The following NTRK1 variants were observed in gnomAD, a reference collection of about 807,000 sequenced individuals.
The protein encoded by NTRK1 is high affinity nerve growth factor receptor.
In NTRK1, 62 loss-of-function variants were observed where a neutral mutation model predicts 86.8. The ratio of observed to expected loss-of-function variants is 0.71; its 90% CI spans 0.58 to 0.88. The LOEUF is 0.88. NTRK1 is among the 40% of genes least tolerant of loss of function. The pLI, the probability that NTRK1 is intolerant of heterozygous loss-of-function variation, is 0.00. For synonymous variants in NTRK1, 469 were observed against 456.6 expected, an observed-to-expected ratio of 1.03 and a Z score of -0.35; for missense variants, 967 against 1,078.4, an observed-to-expected ratio of 0.90 and a Z score of 1.45.
At chr1:156,862,436 G>T (rs1006845836) in intron 1 of NTRK1, among the ~76,000 whole-genome samples, 6 of 152,118 alleles carry the variant, frequency 3.9e-5, no homozygotes, top group Non-Finnish European at 1.5e-5. Context: ...CCCCATCAGG[G>T]CTCGTGTTTC....
chr1:156,877,065 T>G (rs1232740023), intron 14 of NTRK1, among the ~76,000 whole-genome samples: 1 of 152,336 alleles, frequency 6.6e-6, no homozygotes, highest in Admixed American at 6.5e-5. Context: ...TTGCCTAGGC[T>G]GGAGTGCAAC....
At chr1:156,836,894 C>G (rs1012953893) in intron 1 of NTRK1, among the ~76,000 whole-genome samples, 3 of 152,174 alleles carry the variant, frequency 2.0e-5, no homozygotes, top group African/African-American at 7.2e-5. Flanking sequence ...AGCCAAGATC[C>G]TGGGCAGGAG....
intron 6 of NTRK1, among the ~76,000 whole-genome samples, chr1:156,870,744 T>A (rs1647503162): frequency 6.6e-6 from 1 of 152,220 alleles, no homozygotes; most frequent in Non-Finnish European, 1.5e-5. Flanking sequence ...TTTGTGAAAA[T>A]CACTTTCTAA....
chr1:156,877,969 A>G, intron 14 of NTRK1, among the ~76,000 whole-genome samples: 1 of 152,152 alleles, frequency 6.6e-6, no homozygotes, highest in South Asian at 2.1e-4. Flanking sequence ...GGAGGAGCCT[A>G]TCTCTTTGCT....
At chr1:156,841,218 G>C (rs963226936) in intron 1 of NTRK1, 1 of 1,005,506 alleles carries the variant, frequency 9.9e-7, no homozygotes, top group Non-Finnish European at 1.5e-6. Flanking sequence ...TTATGCCTGG[G>C]AGGGTGAGAA....
At chr1:156,846,767 C>A (rs558387343) in intron 2 of NTRK1, 2 of 1,608,108 alleles carry the variant, frequency 1.2e-6, no homozygotes, top group African/African-American at 2.7e-5. Flanking sequence ...GCTGAACACC[C>A]ATCCCCAGAG....
At position 156,847,706 on chromosome 1, in the gene NTRK1, G is replaced by A. The variant is rs189304892; in HGVS notation, c.50+5513G>A. ...GCTCATAGTGGGTGTCATGGGAGCA[G>A]GTGTCCTGTGAGGCATGACACACTG... On this transcript the variant is annotated intron_variant, in intron 2 of 16. Coordinates refer to the NTRK1 transcript ENST00000392302. Among the ~76,000 whole-genome samples, 36 of 152,202 alleles carry A rather than the reference G, an allele frequency of 2.4e-4. No individual in the cohort carries two copies. In the South Asian group the frequency reaches 7.1e-3, roughly 30 times the overall value.
At chr1:156,860,758 G>A, upstream of NTRK1, 1 of 1,215,384 alleles carries the variant, frequency 8.2e-7, no homozygotes, top group Non-Finnish European at 1.1e-6. Flanking sequence ...GCGTCAGAGA[G>A]TAGGAAGCGG....
chr1:156,849,486 CTG>C (rs764664960), intron 2 of NTRK1: 134 of 613,520 alleles, frequency 2.2e-4, no homozygotes, highest in Non-Finnish European at 3.4e-4. Context: ...GGACCTTGCT[CTG>C]CGGGGAGGTG....
At chr1:156,875,080 C>A (rs2102912858) in intron 11 of NTRK1, 72 bp downstream of exon 11, 2 of 1,130,844 alleles carry the variant, frequency 1.8e-6, no homozygotes, top group Non-Finnish European at 2.7e-6. Context: ...CTCTTCCTGA[C>A]TCTGTCTCTG....
chr1:156,844,079 C>A (rs976482883), intron 2 of NTRK1: 1 of 859,500 alleles, frequency 1.2e-6, no homozygotes, highest in Non-Finnish European at 1.9e-6. Context: ...TATGGAAGAC[C>A]TGTCTTTCTA....
Position 156,875,974 on chromosome 1 carries a change from C to T in NTRK1, c.1502-106C>T, listed in dbSNP as rs76886455. 9.9e-4 allele frequency: 1,548 copies of T among 1,557,814 alleles called. 7 individuals are homozygous for T. The African/African-American group carries it at 0.016, about 16-fold the overall frequency. On this transcript the variant is annotated intron_variant, in intron 12 of 16. Coordinates refer to ENST00000524377, the MANE Select transcript of NTRK1 (RefSeq NM_002529.4). ...GAATTTTAGCCCCCATGCAGTCCCT[C>T]GTCTGGGCAGCCTTGTGCAGCACAC...
At chr1:156,844,483 C>T (rs201243410) in intron 2 of NTRK1, 5 of 1,613,980 alleles carry the variant, frequency 3.1e-6, no homozygotes, top group Non-Finnish European at 4.2e-6. Context: ...ATGTAGAAGG[C>T]AACACTGTCT....
In NTRK1 at chr1:156,854,745, C is replaced by T. The variant is rs1655349187; in HGVS notation, c.51-9609C>T. 6.6e-6 allele frequency among the ~76,000 whole-genome samples: 1 copy of T among 152,184 alleles called. No homozygotes were observed. The highest frequency in any genetic ancestry group is 2.1e-4 in the South Asian group (1 of 4,826). On this transcript the variant is annotated intron_variant, in intron 2 of 16. Coordinates refer to the NTRK1 transcript ENST00000392302. The surrounding 1 kb of genome is among the most constrained non-coding windows in gnomAD (Gnocchi z 4.2). ...TCACAGCTTCCACCATCATCTTCCCCTGGATTGACAGTCATAGCCTCCCAA... is the reference window on the plus strand; with the variant it reads ...TCACAGCTTCCACCATCATCTTCCCTTGGATTGACAGTCATAGCCTCCCAA...
chr1:156,828,077 T>A (rs1654370729), intron 1 of NTRK1, among the ~76,000 whole-genome samples: 1 of 152,156 alleles, frequency 6.6e-6, no homozygotes, highest in Non-Finnish European at 1.5e-5. Context: ...GCTCCCAAAG[T>A]GTTGGGATTC....
At chr1:156,825,329 C>T (rs549553697) in intron 1 of NTRK1, among the ~76,000 whole-genome samples, 2 of 152,318 alleles carry the variant, frequency 1.3e-5, no homozygotes, top group African/African-American at 4.8e-5. Context: ...AATGCCTTGC[C>T]TTTTTCTTAG....
At chr1:156,837,867 T>C (rs1654635491) in intron 1 of NTRK1, 1 of 152,196 alleles carries the variant, frequency 6.6e-6, no homozygotes, top group African/African-American at 2.4e-5. Flanking sequence ...TAAGACCTGG[T>C]ACTCTTCCAT....
At chr1:156,843,519 C>G in intron 2 of NTRK1, 1 of 1,596,912 alleles carries the variant, frequency 6.3e-7, no homozygotes, top group East Asian at 2.2e-5. Context: ...GAAGGGTTCT[C>G]AGGAAGGAAT....
chr1:156,875,089 TG>T (rs1371341302), intron 11 of NTRK1, 81 bp downstream of exon 11: 3 of 1,043,430 alleles, frequency 2.9e-6, no homozygotes, highest in Non-Finnish European at 4.5e-6. Flanking sequence ...ACTCTGTCTC[TG>T]GGGGGCTGTG....
Sources: gnomAD v4.1 joint callset for allele counts (sites outside exome capture counted in the v4.1 genomes callset) on GRCh38, gnomAD v4.1.1 for gene constraint, Gnocchi (gnomAD v3.1) non-coding constraint, MANE v1.5 for transcripts, NCBI Gene and HGNC (gene_info 2026-07-23, HGNC 2026-07-21) for gene names.